MPPE1: variants seen among roughly 807,000 people sequenced by gnomAD.
The protein encoded by MPPE1 is metallophosphoesterase 1.
Under a neutral mutation model 43.8 loss-of-function variants are expected in MPPE1, and 28 were observed. That is an observed-to-expected ratio of 0.64 (90% CI 0.47 to 0.88). The LOEUF is 0.88. MPPE1 is among the 40% of genes least tolerant of loss of function. The pLI, the probability that MPPE1 is intolerant of heterozygous loss-of-function variation, is 0.00. For missense variants in MPPE1, 428 were observed against 492.2 expected (o/e 0.87, Z 1.23); for synonymous variants, 159 against 188.5 (o/e 0.84, Z 1.28).
Position 11,886,164 on chromosome 18 carries a change from TTTAA to T in MPPE1, c.867+331_867+334del, listed in dbSNP as rs1406023743. 8.1e-5 allele frequency: 20 copies of T among 247,664 alleles called. No individual in the cohort carries two copies. The highest frequency in any genetic ancestry group is 1.5e-4 in the Non-Finnish European group (19 of 128,394). The allele number at this position is 247,664 out of a possible 1,614,324, so 15.3% of individuals were successfully genotyped here. A position where few individuals can be genotyped will look rare whatever the true frequency, so the allele number is the denominator to read the frequency against. Reference sequence around the variant, plus strand: ...TCTATATAAGAAAATGCATTTTAATTTTAATTAAGTCCCTAAAAAATTGACTTTT... The same window carrying T: ...TCTATATAAGAAAATGCATTTTAATTTTAAGTCCCTAAAAAATTGACTTTT... On this transcript the variant is annotated intron_variant, in intron 9 of 10. Transcript: ENST00000588072. This position sits in a 1 kb window ranked among gnomAD's most constrained non-coding sequence, Gnocchi z 4.1.
chr18:11,893,432 C>T, intron 4 of MPPE1, 36 bp downstream of exon 4: 1 of 1,461,272 alleles, frequency 6.8e-7, no homozygotes, highest in Non-Finnish European at 9.6e-7. Flanking sequence ...CTGGACCTCA[C>T]AGCAGGATGA....
chr18:11,891,775 T>G (rs1293763598), intron 4 of MPPE1, among the ~76,000 whole-genome samples: 4 of 152,126 alleles, frequency 2.6e-5, no homozygotes, highest in Non-Finnish European at 4.4e-5. Context: ...GTGGGGTTTT[T>G]TTTGTTTTGT....
intron 2 of MPPE1, among the ~76,000 whole-genome samples, chr18:11,904,524 G>A (rs926881229): frequency 2.0e-5 from 3 of 152,084 alleles, no homozygotes; most frequent in South Asian, 2.1e-4. Flanking sequence ...TCACCATGTC[G>A]CTTAGGCTGG....
chr18:11,905,939 T>C (rs1443377300), intron 2 of MPPE1: 1 of 152,210 alleles, frequency 6.6e-6, no homozygotes, highest in Non-Finnish European at 1.5e-5. Flanking sequence ...ACCCGCAGTG[T>C]CCACCTCAGT....
intron 1 of MPPE1, among the ~76,000 whole-genome samples, chr18:11,906,854 CAA>C (rs56796280): frequency 9.6e-5 from 11 of 114,998 alleles, no homozygotes; most frequent in African/African-American, 1.2e-4. Context: ...AACTCCGTCT[CAA>C]AAAAAAAAAA....
chr18:11,885,930 A>C, intron 9 of MPPE1, 114 bp from the exon 10 acceptor site: 2 of 1,050,118 alleles, frequency 1.9e-6, no homozygotes, highest in Non-Finnish European at 2.6e-6. Context: ...TACATACTAA[A>C]TCCTTATTTT....
intron 3 of MPPE1, among the ~76,000 whole-genome samples, chr18:11,895,754 G>A (rs933507095): frequency 6.6e-6 from 1 of 152,012 alleles, no homozygotes; most frequent in African/African-American, 2.4e-5. Flanking sequence ...TTGTAGAAAT[G>A]AGGTCTTGCC....
In MPPE1 at chr18:11,885,700, G is replaced by A; in HGVS notation, c.984C>T (p.Asn328=). 8 of 1,613,654 alleles carry A rather than the reference G, an allele frequency of 5.0e-6. No homozygotes were observed. The highest frequency in any genetic ancestry group is 6.8e-6 in the Non-Finnish European group (8 of 1,179,644). The stretch of plus-strand genomic sequence containing the variant: ...CCATGATGAAACTGGGGTTGTTTCT[G>A]TTCCTCCAACTGAAAGATGGGACGC... The part of the protein sequence containing the change: ...ELSVPSFSWR[N]RNNPSFIMGS... The change falls in exon 10 of 11, where the codon AAC becomes AAT. Residue 328 remains asparagine (N), a synonymous_variant. Transcript: ENST00000588072.
chr18:11,893,409 T>C, intron 4 of MPPE1, 59 bp downstream of exon 4: 1 of 1,204,712 alleles, frequency 8.3e-7, no homozygotes, highest in South Asian at 1.2e-5. Context: ...GTGGATTCTC[T>C]GGGATACTTG....
intron 6 of MPPE1, among the ~76,000 whole-genome samples, 174 bp downstream of exon 6, chr18:11,888,495 A>G (rs2037595037): frequency 6.6e-6 from 1 of 152,136 alleles, no homozygotes; most frequent in East Asian, 1.9e-4. Flanking sequence ...TTTCCCATCT[A>G]TCGGCTCCCA....
At chr18:11,896,469 T>C (rs1021903077) in intron 3 of MPPE1, among the ~76,000 whole-genome samples, 1 of 152,174 alleles carries the variant, frequency 6.6e-6, no homozygotes, top group African/African-American at 2.4e-5. Context: ...CAGGTGTGAG[T>C]TGGAAAGATA....
intron 10 of MPPE1, 113 bp from the exon 11 acceptor site, chr18:11,884,740 G>T: frequency 7.4e-7 from 1 of 1,347,958 alleles, no homozygotes; most frequent in Admixed American, 2.3e-5. Flanking sequence ...AGGTGAGGCA[G>T]GGAACGGGCC....
intron 6 of MPPE1, among the ~76,000 whole-genome samples, chr18:11,887,756 T>G (rs1225488304): frequency 6.6e-6 from 1 of 152,188 alleles, no homozygotes; most frequent in African/African-American, 2.4e-5. Flanking sequence ...GGAGTGGAGT[T>G]ATCAAGTGAT....
intron 2 of MPPE1, among the ~76,000 whole-genome samples, chr18:11,904,167 AAAGGAGAGAAGAGCAG>A (rs752058330): frequency 0.17 from 26,355 of 152,200 alleles, 2,628 homozygotes; most frequent in South Asian, 0.33. Flanking sequence ...GGACAGTAGA[AAAGGAGAGAAGAGCAG>A]AAGGGGATGG....
At position 11,884,187 on chromosome 18, in the gene MPPE1, A is replaced by G. The variant is rs1318969522; in HGVS notation, c.*258T>C. On this transcript the variant is annotated 3_prime_UTR_variant, in exon 11 of 11. Transcript: ENST00000588072. ...GACATTAATAGCATTTACATACTGT[A>G]CAGATGCAACCTTTGATGATACATA... 5.8e-5 allele frequency: 26 copies of G among 447,290 alleles called. No individual in the cohort carries two copies. The highest frequency in any genetic ancestry group is 8.2e-6 in the Non-Finnish European group (2 of 243,846). The allele number at this position is 447,290 out of a possible 1,614,324, so 27.7% of individuals were successfully genotyped here.
chr18:11,894,164 C>T (rs567204672), intron 3 of MPPE1, among the ~76,000 whole-genome samples: 36 of 152,224 alleles, frequency 2.4e-4, no homozygotes, highest in Admixed American at 2.2e-3. Flanking sequence ...TATGGTGGCT[C>T]ATGCCTGTAA....
intron 2 of MPPE1, among the ~76,000 whole-genome samples, chr18:11,899,978 G>A (rs1002311949): frequency 6.6e-6 from 1 of 151,976 alleles, no homozygotes; most frequent in South Asian, 2.1e-4. Context: ...TTGGGAGGCC[G>A]AGGCGGGTGG....
chr18:11,894,210 T>TA (rs778679598), intron 3 of MPPE1, among the ~76,000 whole-genome samples: 2 of 151,828 alleles, frequency 1.3e-5, no homozygotes, highest in Non-Finnish European at 2.9e-5. Context: ...GGGCAGATCA[T>TA]AAAGTTAGGA....
In MPPE1 at chr18:11,886,431, C is replaced by T. The variant is rs2037258257; in HGVS notation, c.867+68G>A. 6.2e-7 allele frequency: 1 copy of T among 1,610,872 alleles called. No individual in the cohort carries two copies. The highest frequency in any genetic ancestry group is 8.5e-7 in the Non-Finnish European group (1 of 1,178,182). On this transcript the variant is annotated intron_variant, in intron 9 of 10. Coordinates refer to ENST00000588072, the MANE Select transcript of MPPE1 (RefSeq NM_023075.6). The surrounding 1 kb of genome is among the most constrained non-coding windows in gnomAD (Gnocchi z 4.1). ...CACCTGCTCTAGCCTGGGCACTCTG[C>T]TTGTTGACATGCAAGGTGATGAGAG...
Sources: gnomAD v4.1 joint callset for allele counts (sites outside exome capture counted in the v4.1 genomes callset) on GRCh38, gnomAD v4.1.1 for gene constraint, Gnocchi (gnomAD v3.1) non-coding constraint, MANE v1.5 for transcripts, NCBI Gene and HGNC (gene_info 2026-07-23, HGNC 2026-07-21) for gene names.